Variants in CDH18 observed in about 807,000 individuals in gnomAD.
CDH18 encodes cadherin-18.
In CDH18, 31 loss-of-function variants were observed where a neutral mutation model predicts 67.9. The observed-to-expected ratio is 0.46, with a 90% CI of 0.34 to 0.62. CDH18 has a LOEUF of 0.62. Among genes scored for constraint, CDH18 ranks in the 20% least tolerant of loss-of-function variants. The probability of loss-of-function intolerance (pLI) is 0.01; values close to 1 mark genes in which losing one functional copy is unlikely to be tolerated. For synonymous variants in CDH18, 362 were observed against 347.2 expected, an observed-to-expected ratio of 1.04 and a Z score of -0.48; for missense variants, 890 against 975.5, an observed-to-expected ratio of 0.91 and a Z score of 1.17.
At chr5:20,238,303 A>C (rs1742628832) in intron 2 of CDH18, among the ~76,000 whole-genome samples, 2 of 152,108 alleles carry the variant, frequency 1.3e-5, no homozygotes, top group Admixed American at 1.3e-4. Flanking sequence ...GCACGTGATA[A>C]ACTGAGAGAA....
At chr5:20,347,334 C>T (rs934631913) in intron 1 of CDH18, among the ~76,000 whole-genome samples, 1 of 152,158 alleles carries the variant, frequency 6.6e-6, no homozygotes, top group Non-Finnish European at 1.5e-5. Context: ...TCTTGACTGC[C>T]ACACAAACAA....
intron 12 of CDH18, among the ~76,000 whole-genome samples, chr5:19,481,334 T>C (rs1010070646): frequency 1.3e-5 from 2 of 152,176 alleles, no homozygotes; most frequent in Admixed American, 1.3e-4. Context: ...TTTGAGGCCA[T>C]TCTAACTCAT....
intron 3 of CDH18, among the ~76,000 whole-genome samples, chr5:19,785,451 G>A (rs974262746): frequency 1.1e-4 from 16 of 150,568 alleles, no homozygotes; most frequent in African/African-American, 3.2e-4. Flanking sequence ...TTGGGAGTTC[G>A]AGATCAGCCT....
At chr5:20,191,478 G>A (rs1177424853) in intron 2 of CDH18, among the ~76,000 whole-genome samples, 1 of 151,812 alleles carries the variant, frequency 6.6e-6, no homozygotes, top group Non-Finnish European at 1.5e-5. Flanking sequence ...GTGGTTTGCT[G>A]CACCTATTGA....
intron 2 of CDH18, among the ~76,000 whole-genome samples, chr5:20,053,811 T>C (rs1229486224): frequency 6.6e-6 from 1 of 152,098 alleles, no homozygotes; most frequent in African/African-American, 2.4e-5. Context: ...GTGATGCTTT[T>C]AAAGTAAGTC....
chr5:20,456,585 G>A (rs1369881579), intron 1 of CDH18, among the ~76,000 whole-genome samples: 1 of 151,920 alleles, frequency 6.6e-6, no homozygotes, highest in Non-Finnish European at 1.5e-5. Context: ...CCAAAATTCA[G>A]TATTTCTCTC....
intron 2 of CDH18, among the ~76,000 whole-genome samples, chr5:20,219,004 A>G (rs1400372546): frequency 6.6e-6 from 1 of 152,032 alleles, no homozygotes; most frequent in Non-Finnish European, 1.5e-5. Context: ...AAATTAGAAG[A>G]AAATAAGTAA....
rs955340576 is a variant in CDH18, at chr5:20,161,941, A to AT, written c.-518+93502dup. ...GGCTTAGCATTATTAATTCTCAGTG[A>AT]TTTTTTTTTTCTTTCCACCTAGCTC... On this transcript the variant is annotated intron_variant, in intron 2 of 14. Coordinates refer to the CDH18 transcript ENST00000507958. Among the ~76,000 whole-genome samples, 972 of 150,242 alleles carry AT rather than the reference A, an allele frequency of 6.5e-3. 8 individuals carry two copies. The highest frequency in any genetic ancestry group is 0.02 in the African/African-American group (804 of 40,972).
At chr5:20,272,960 G>A (rs181086302) in intron 1 of CDH18, among the ~76,000 whole-genome samples, 357 of 152,020 alleles carry the variant, frequency 2.3e-3, no homozygotes, top group Non-Finnish European at 4.3e-3. Flanking sequence ...TAATGCACAC[G>A]GGCAAACACT....
chr5:19,660,167 A>G (rs1580742460), intron 5 of CDH18, among the ~76,000 whole-genome samples: 2 of 152,078 alleles, frequency 1.3e-5, no homozygotes, highest in Admixed American at 1.3e-4. Context: ...AACTAAAATA[A>G]TTTTTGCCTC....
intron 1 of CDH18, among the ~76,000 whole-genome samples, chr5:20,552,402 G>T (rs544095950): frequency 3.3e-5 from 5 of 152,082 alleles, no homozygotes; most frequent in Non-Finnish European, 5.9e-5. Flanking sequence ...ACTTGAACCC[G>T]TGAGGTGGAG....
intron 4 of CDH18, among the ~76,000 whole-genome samples, chr5:19,742,971 A>C (rs1305525483): frequency 1.3e-5 from 2 of 152,212 alleles, no homozygotes; most frequent in Non-Finnish European, 2.9e-5. Flanking sequence ...TTTTTATTAC[A>C]TATTTAGAAC....
At chr5:19,964,522 T>A (rs2150314900) in intron 2 of CDH18, among the ~76,000 whole-genome samples, 1 of 151,108 alleles carries the variant, frequency 6.6e-6, no homozygotes, top group Admixed American at 6.6e-5. Context: ...TGCTTGAGCC[T>A]GGGATAGTCT....
intron 4 of CDH18, among the ~76,000 whole-genome samples, chr5:19,736,523 G>A (rs1358982147): frequency 6.6e-6 from 1 of 152,098 alleles, no homozygotes; most frequent in Non-Finnish European, 1.5e-5. Context: ...TATAATTAAA[G>A]TAATAGATGT....
At chr5:20,491,195 T>TTTATTATTATTATTATTA (rs56678208) in intron 1 of CDH18, among the ~76,000 whole-genome samples, 1 of 149,826 alleles carries the variant, frequency 6.7e-6, no homozygotes, top group African/African-American at 2.5e-5. Context: ...TAGTATTTGG[T>TTTATTATTATTATTATTA]TTATTATTAT....
intron 1 of CDH18, among the ~76,000 whole-genome samples, chr5:20,381,863 A>G (rs1035977719): frequency 2.4e-4 from 37 of 152,294 alleles, no homozygotes; most frequent in African/African-American, 8.2e-4. Context: ...ATTAGCTAGC[A>G]GAATGAAATT....
At chr5:19,582,194 A>G (rs1398225115) in intron 7 of CDH18, among the ~76,000 whole-genome samples, 1 of 151,946 alleles carries the variant, frequency 6.6e-6, no homozygotes, top group Non-Finnish European at 1.5e-5. Flanking sequence ...ATGTATATCT[A>G]TGTGTTTTGT....
chr5:19,980,608 C>T (rs1798938108), intron 2 of CDH18, among the ~76,000 whole-genome samples: 1 of 152,136 alleles, frequency 6.6e-6, no homozygotes, highest in Admixed American at 6.6e-5. Flanking sequence ...TCCTTAGTTG[C>T]CAGTTTCTCC....
At chr5:20,087,643 T>G (rs888929707) in intron 2 of CDH18, among the ~76,000 whole-genome samples, 1 of 152,206 alleles carries the variant, frequency 6.6e-6, no homozygotes, top group Admixed American at 6.5e-5. Flanking sequence ...AAGGCTCAGA[T>G]GAATGTTAGT....
Sources: gnomAD v4.1 joint callset for allele counts (sites outside exome capture counted in the v4.1 genomes callset) on GRCh38, gnomAD v4.1.1 for gene constraint, MANE v1.5 for transcripts, NCBI Gene and HGNC (gene_info 2026-07-23, HGNC 2026-07-21) for gene names.